Variants in CELF1 observed in about 807,000 individuals in gnomAD.
CELF1 encodes the protein CUGBP Elav-like family member 1.
A neutral mutation model predicts 61.8 loss-of-function variants in CELF1; 10 were observed. That is an observed-to-expected ratio of 0.16 (90% confidence interval 0.10 to 0.27). The LOEUF is 0.27. CELF1 is among the 10% of genes least tolerant of loss of function. The probability of loss-of-function intolerance (pLI) is 1.00; values close to 1 mark genes in which losing one functional copy is unlikely to be tolerated. For synonymous variants in CELF1, 236 were observed against 225.1 expected (o/e 1.05, Z -0.43); for missense variants, 380 against 639.1 (o/e 0.59, Z 4.37).
At chr11:47,520,403 T>C (rs1320902795) in intron 1 of CELF1, among the ~76,000 whole-genome samples, 3 of 152,240 alleles carry the variant, frequency 2.0e-5, no homozygotes, top group African/African-American at 7.2e-5. Flanking sequence ...TGTGTTTTCC[T>C]GTCACTCTCA....
At position 47,475,403 on chromosome 11, in the gene CELF1, G is replaced by T; in HGVS notation, c.1206C>A (p.Leu402=). The T allele has an allele frequency of 6.2e-7, 1 of 1,614,112 alleles. No individual in the cohort carries two copies. Among genetic ancestry groups the T allele is most frequent in the South Asian group, 1.1e-5 (1 of 91,068 alleles). The change falls in exon 13 of 15, where the codon CTC becomes CTA. Residue 402 remains leucine, a synonymous_variant. Coordinates refer to ENST00000687097, the MANE Select transcript of CELF1 (RefSeq NM_001376376.1). The stretch of plus-strand genomic sequence containing the variant: ...GAAGATTCTGGTTGTACAGAGTGGG[G>T]AGCGCAGCAGCAGCATATTGCTGGA... The part of the protein sequence containing the change: ...SGIQQYAAAA[L]PTLYNQNLLT...
At chr11:47,547,681 AAAG>A (rs138916879) in intron 1 of CELF1, among the ~76,000 whole-genome samples, 31,653 of 129,506 alleles carry the variant, frequency 0.24, 4,064 homozygotes, top group Non-Finnish European at 0.34. Flanking sequence ...AAAAAAAAAA[AAAG>A]AAAAAAAAAA....
intron 1 of CELF1, among the ~76,000 whole-genome samples, chr11:47,543,196 G>T (rs2096853152): frequency 6.6e-6 from 1 of 152,108 alleles, no homozygotes; most frequent in Non-Finnish European, 1.5e-5. Context: ...TAGAGACCAG[G>T]GGGTCAAGAC....
intron 9 of CELF1, 103 bp downstream of exon 9, chr11:47,482,592 G>A: frequency 8.9e-7 from 1 of 1,128,876 alleles, no homozygotes; most frequent in Non-Finnish European, 1.3e-6. Context: ...ATTTCTATAT[G>A]CCAAAAGTTG....
chr11:47,507,312 G>A (rs543451587), intron 1 of CELF1, among the ~76,000 whole-genome samples: 6 of 152,110 alleles, frequency 3.9e-5, no homozygotes, highest in Non-Finnish European at 8.8e-5. Context: ...ATTAAGGATC[G>A]TGTTATTCAT....
intron 12 of CELF1, among the ~76,000 whole-genome samples, chr11:47,476,380 T>G (rs944173147): frequency 1.3e-5 from 2 of 152,204 alleles, no homozygotes; most frequent in Non-Finnish European, 2.9e-5. Flanking sequence ...TCCGAAGTTA[T>G]AGCTAGCTAA....
At chr11:47,538,474 T>A (rs1384458725) in intron 1 of CELF1, among the ~76,000 whole-genome samples, 1 of 151,940 alleles carries the variant, frequency 6.6e-6, no homozygotes, top group Admixed American at 6.6e-5. Context: ...AAACCCCGTC[T>A]CTACTAAAAA....
At chr11:47,528,018 C>T (rs1057333290) in intron 1 of CELF1, among the ~76,000 whole-genome samples, 1 of 152,124 alleles carries the variant, frequency 6.6e-6, no homozygotes, top group East Asian at 1.9e-4. Context: ...ATGGGTTGAA[C>T]CCGAGAGGCG....
At position 47,471,992 on chromosome 11, in the gene CELF1, T is replaced by C. The variant is rs2077839866; in HGVS notation, c.*238A>G. ...CAAAAACAAAAAAAACCTCAGGATA[T>C]GGCACCTAAACTCCAAAGTAAAACA... On this transcript the variant is annotated 3_prime_UTR_variant, in exon 15 of 15. Coordinates refer to ENST00000687097, the MANE Select transcript of CELF1 (RefSeq NM_001376376.1). 1 of 469,128 alleles carries C rather than the reference T, an allele frequency of 2.1e-6. No homozygotes were observed. The highest frequency in any genetic ancestry group is 3.1e-5 in the East Asian group (1 of 32,496). 29.1% of individuals were successfully genotyped at this position (469,128 alleles called of 1,614,324 possible).
chr11:47,539,543 A>T (rs2096722119), intron 1 of CELF1, among the ~76,000 whole-genome samples: 1 of 152,218 alleles, frequency 6.6e-6, no homozygotes, highest in South Asian at 2.1e-4. Flanking sequence ...CTGTAATCCC[A>T]GCTACTCTTC....
chr11:47,523,490 A>G (rs1258635612), intron 1 of CELF1: 1 of 152,274 alleles, frequency 6.6e-6, no homozygotes, highest in Non-Finnish European at 1.5e-5. Context: ...CCTAGACCCT[A>G]AACAAATAAG....
chr11:47,533,813 A>C (rs1260497823), intron 1 of CELF1, among the ~76,000 whole-genome samples: 15 of 145,328 alleles, frequency 1.0e-4, no homozygotes, highest in African/African-American at 3.2e-4. Flanking sequence ...CTCCCCCAAA[A>C]AAAAAAAAAA....
chr11:47,492,894 G>A (rs1188930823), intron 3 of CELF1, among the ~76,000 whole-genome samples: 1 of 152,144 alleles, frequency 6.6e-6, no homozygotes, highest in East Asian at 1.9e-4. Context: ...ATGGTGCCCA[G>A]AATACATTTT....
At chr11:47,484,245 G>A (rs2085256535) in intron 7 of CELF1, 144 bp downstream of exon 7, 2 of 789,450 alleles carry the variant, frequency 2.5e-6, no homozygotes, top group African/African-American at 1.8e-5. Flanking sequence ...ATCCTGGGAG[G>A]TTCAGGCTGC....
chr11:47,533,060 G>C (rs2096528725), intron 1 of CELF1, among the ~76,000 whole-genome samples: 1 of 151,882 alleles, frequency 6.6e-6, no homozygotes, highest in Admixed American at 6.6e-5. Flanking sequence ...CCTGGGGGTG[G>C]ATCCAGAAGG....
At chr11:47,476,785 G>T in intron 12 of CELF1, 61 bp downstream of exon 12, 1 of 1,295,288 alleles carries the variant, frequency 7.7e-7, no homozygotes, top group South Asian at 1.2e-5. Flanking sequence ...GCCCCTACCA[G>T]GGTTAAGATG....
Position 47,493,513 on chromosome 11 carries a change from GAAAAA to G in CELF1, c.72-4494_72-4490del, listed in dbSNP as rs35976407. Among the ~76,000 whole-genome samples, 26 of 84,926 alleles carry G rather than the reference GAAAAA, an allele frequency of 3.1e-4. No individual in the cohort carries two copies. In the East Asian group the frequency reaches 9.0e-3, roughly 30 times the overall value. The allele number at this position is 84,926 out of a possible 152,430, so 55.7% of individuals were successfully genotyped here. A position where few individuals can be genotyped will look rare whatever the true frequency, so the allele number is the denominator to read the frequency against. On this transcript the variant is annotated intron_variant, in intron 3 of 14. Transcript: ENST00000687097. The stretch of plus-strand genomic sequence containing the variant: ...ACAGAGCAAGACTCCATCTCAAAAA[GAAAAA>G]AAAAAAAAAAAAAAAAAGGGCGTGC...
intron 12 of CELF1, 148 bp from the exon 13 acceptor site, chr11:47,475,669 A>C: frequency 1.3e-6 from 1 of 751,898 alleles, no homozygotes; most frequent in Non-Finnish European, 2.1e-6. Context: ...AAACTATCTG[A>C]CTGGCTAGAT....
At chr11:47,494,657 G>C (rs1164797835) in intron 3 of CELF1, 1 of 186,114 alleles carries the variant, frequency 5.4e-6, no homozygotes, top group Non-Finnish European at 1.0e-5. Flanking sequence ...CTGGCCCCAA[G>C]TGACTAAACC....
Sources: gnomAD v4.1 joint callset for allele counts (sites outside exome capture counted in the v4.1 genomes callset) on GRCh38, gnomAD v4.1.1 for gene constraint, MANE v1.5 for transcripts, NCBI Gene and HGNC (gene_info 2026-07-23, HGNC 2026-07-21) for gene names.